GABRA2: variants seen among roughly 807,000 people sequenced by gnomAD.
GABRA2 encodes gamma-aminobutyric acid receptor subunit alpha-2.
In GABRA2, 16 loss-of-function variants were observed where a neutral mutation model predicts 48.7. The observed-to-expected ratio is 0.33, with a 90% CI of 0.22 to 0.50. The LOEUF (loss-of-function observed/expected upper bound fraction) is 0.50. GABRA2 is among the 20% of genes least tolerant of loss of function. The pLI, the probability that GABRA2 is intolerant of heterozygous loss-of-function variation, is 0.98. For missense variants in GABRA2, 275 were observed against 535.6 expected (o/e 0.51, Z 4.80); for synonymous variants, 185 against 184.5 (o/e 1.00, Z -0.02).
intron 8 of GABRA2, among the ~76,000 whole-genome samples, chr4:46,283,423 G>A (rs1403588936): frequency 6.6e-6 from 1 of 152,120 alleles, no homozygotes; most frequent in Non-Finnish European, 1.5e-5. Flanking sequence ...GATGCCCATG[G>A]TGCTGCCGTA....
At chr4:46,262,795 G>A (rs889018909) in intron 8 of GABRA2, among the ~76,000 whole-genome samples, 1 of 152,062 alleles carries the variant, frequency 6.6e-6, no homozygotes, top group African/African-American at 2.4e-5. Flanking sequence ...CTACTTGGGA[G>A]GCTGAGGCAG....
At chr4:46,267,779 T>C (rs575612945) in intron 8 of GABRA2, among the ~76,000 whole-genome samples, 13 of 152,090 alleles carry the variant, frequency 8.5e-5, no homozygotes, top group Non-Finnish European at 1.3e-4. Flanking sequence ...TTATTCTTCC[T>C]ACTTTTGTTT....
chr4:46,289,904 TTTA>T lies in GABRA2; in HGVS notation c.856+13553_856+13555del, dbSNP rs1202726177. Among the ~76,000 whole-genome samples, 128 of 146,742 alleles carry T rather than the reference TTTA, an allele frequency of 8.7e-4. No individual in the cohort carries two copies. The Middle Eastern group carries it at 0.014, about 16-fold the overall frequency. ...TTTTATTTATTTATTTATTTATTTATTTATTTTTATTTTTTTTTTTTTTTTGAG... is the reference window on the plus strand; with the variant it reads ...TTTTATTTATTTATTTATTTATTTATTTTTTATTTTTTTTTTTTTTTTGAG... On this transcript the variant is annotated intron_variant, in intron 8 of 9. Coordinates refer to ENST00000381620, the MANE Select transcript of GABRA2 (RefSeq NM_000807.4).
intron 8 of GABRA2, among the ~76,000 whole-genome samples, chr4:46,285,821 ATGGTTT>A (rs1722452478): frequency 6.6e-6 from 1 of 151,626 alleles, no homozygotes; most frequent in Admixed American, 6.6e-5. Context: ...GGCCATACCT[ATGGTTT>A]TGGTTTTGGT....
At position 46,386,095 on chromosome 4, in the gene GABRA2, G is replaced by A. The variant is rs1308837249; in HGVS notation, c.166C>T (p.Arg56Trp). ...LDRLLDGYDN[R>W]LRPGLGDSIT... The stretch of plus-strand genomic sequence containing the variant: ...TTACCTCCCAGTCCTGGTCTAAGCC[G>A]ATTATCGTAACCATCCAGAAGTCTG... The change falls in exon 3 of 10, where the codon CGG becomes TGG. Residue 56 changes from arginine to tryptophan, a missense_variant. Coordinates refer to ENST00000381620, the MANE Select transcript of GABRA2 (RefSeq NM_000807.4). 1.9e-6 allele frequency: 3 copies of A among 1,609,304 alleles called. No individual in the cohort carries two copies. The highest frequency in any genetic ancestry group is 1.7e-5 in the Admixed American group (1 of 59,636).
intron 9 of GABRA2, chr4:46,261,225 T>A (rs555517123): frequency 6.6e-6 from 1 of 152,100 alleles, no homozygotes. Flanking sequence ...ACAGCAATAA[T>A]CTCAAAAGAA....
At chr4:46,304,621 A>T (rs997519618) in intron 7 of GABRA2, among the ~76,000 whole-genome samples, 1 of 152,058 alleles carries the variant, frequency 6.6e-6, no homozygotes, top group Non-Finnish European at 1.5e-5. Context: ...GTGAAAAAAT[A>T]GAAAACTAAA....
chr4:46,381,326 C>T (rs969072891), intron 3 of GABRA2, among the ~76,000 whole-genome samples: 3 of 152,210 alleles, frequency 2.0e-5, no homozygotes, highest in South Asian at 2.1e-4. Flanking sequence ...GGAGATACCC[C>T]GACTTGTTAG....
intron 8 of GABRA2, among the ~76,000 whole-genome samples, chr4:46,297,862 G>T (rs1391519998): frequency 6.6e-6 from 1 of 151,480 alleles, no homozygotes; most frequent in Non-Finnish European, 1.5e-5. Context: ...TTTAATGTAG[G>T]CATTTATAGC....
chr4:46,339,888 A>G (rs551946981), intron 3 of GABRA2, among the ~76,000 whole-genome samples: 1 of 151,886 alleles, frequency 6.6e-6, no homozygotes, highest in Non-Finnish European at 1.5e-5. Context: ...TCCAAAATAT[A>G]GACTTCTATA....
At chr4:46,292,198 A>G (rs1723797802) in intron 8 of GABRA2, among the ~76,000 whole-genome samples, 1 of 152,186 alleles carries the variant, frequency 6.6e-6, no homozygotes, top group Non-Finnish European at 1.5e-5. Flanking sequence ...CAAAGTGATG[A>G]AAAACAAATG....
chr4:46,275,920 T>C (rs1296570093), intron 8 of GABRA2, among the ~76,000 whole-genome samples: 1 of 152,056 alleles, frequency 6.6e-6, no homozygotes, highest in African/African-American at 2.4e-5. Context: ...TTGGGAGTTA[T>C]AAAACAAACA....
At chr4:46,309,105 A>C (rs893693939) in intron 6 of GABRA2, among the ~76,000 whole-genome samples, 2 of 152,190 alleles carry the variant, frequency 1.3e-5, no homozygotes, top group Non-Finnish European at 2.9e-5. Context: ...TGACAATAAA[A>C]GAAGCCTTTG....
At chr4:46,323,243 T>C (rs994107231) in intron 4 of GABRA2, among the ~76,000 whole-genome samples, 3 of 151,952 alleles carry the variant, frequency 2.0e-5, no homozygotes, top group Admixed American at 2.0e-4. Context: ...CTCGGAATAC[T>C]TTTCTAACCT....
intron 3 of GABRA2, among the ~76,000 whole-genome samples, chr4:46,380,040 A>G (rs1716548572): frequency 6.6e-6 from 1 of 152,190 alleles, no homozygotes; most frequent in African/African-American, 2.4e-5. Context: ...TAAAGTTTCA[A>G]GACTCAGAGG....
intron 3 of GABRA2, among the ~76,000 whole-genome samples, chr4:46,378,083 G>A (rs1716188560): frequency 6.6e-6 from 1 of 152,074 alleles, no homozygotes; most frequent in Non-Finnish European, 1.5e-5. Context: ...GGGAGGTGAG[G>A]GGCGCCTCTG....
intron 8 of GABRA2, among the ~76,000 whole-genome samples, chr4:46,293,955 G>A (rs1350116878): frequency 6.6e-6 from 1 of 152,154 alleles, no homozygotes; most frequent in African/African-American, 2.4e-5. Flanking sequence ...TACCAGATGT[G>A]GTTTCATTGC....
intron 3 of GABRA2, among the ~76,000 whole-genome samples, chr4:46,370,605 C>T (rs1714739692): frequency 6.6e-6 from 1 of 152,152 alleles, no homozygotes; most frequent in Non-Finnish European, 1.5e-5. Flanking sequence ...ATCTTACTTA[C>T]ACCAGTCACT....
intron 3 of GABRA2, among the ~76,000 whole-genome samples, chr4:46,382,290 T>A (rs1716864160): frequency 2.0e-5 from 3 of 151,822 alleles, no homozygotes; most frequent in Admixed American, 1.3e-4. Flanking sequence ...GGTTGGAGTT[T>A]CATTAAGTTG....
Sources: allele counts gnomAD v4.1 joint callset (sites outside exome capture counted in the v4.1 genomes callset), GRCh38; gene constraint gnomAD v4.1.1; transcripts MANE v1.5; gene names NCBI Gene and HGNC (gene_info 2026-07-23, HGNC 2026-07-21).